Variants in XRCC5 observed in about 807,000 individuals in gnomAD.
XRCC5 encodes X-ray repair cross complementing 5.
Under a neutral mutation model 95.7 loss-of-function variants are expected in XRCC5, and 12 were observed. The observed-to-expected ratio is 0.13, with a 90% CI of 0.08 to 0.20. XRCC5 has a LOEUF of 0.20. XRCC5 is among the 10% of genes least tolerant of loss of function. The pLI is 1.00. For synonymous variants in XRCC5, 281 were observed against 290.3 expected (o/e 0.97, Z 0.33); for missense variants, 595 against 873.9 (o/e 0.68, Z 4.02).
At chr2:216,204,196 G>T in intron 19 of XRCC5, 126 bp from the exon 20 acceptor site, 4 of 1,064,150 alleles carry the variant, frequency 3.8e-6, no homozygotes, top group Non-Finnish European at 4.3e-6. Context: ...TTTCTTTTGG[G>T]CCGTTGGCAG....
At chr2:216,152,420 AAC>A (rs1291343099) in intron 14 of XRCC5, among the ~76,000 whole-genome samples, 2 of 151,606 alleles carry the variant, frequency 1.3e-5, no homozygotes. Context: ...CAGCCTAGGC[AAC>A]AGAGTGAGAC....
In XRCC5 at chr2:216,192,721, A is replaced by G. The variant is rs1689638818; in HGVS notation, c.2027A>G (p.Glu676Gly). ...VEIKQLNHFW[E>G]IVVQDGITLI... ...ATTAAACAATTAAATCATTTCTGGG[A>G]AATTGTTGTCCAGGGTAAGTTGTCA... Residue 676 changes from glutamate to glycine, a missense_variant, in exon 18 of 21, where the codon GAA (glutamate) becomes GGA (glycine). Glu to Gly is a moderately conservative substitution (Grantham distance 98, BLOSUM62 -2). Coordinates refer to ENST00000392132, the MANE Select transcript of XRCC5 (RefSeq NM_021141.4). The G allele has an allele frequency of 6.3e-7, 1 of 1,591,860 alleles. No homozygotes were observed. Among genetic ancestry groups the G allele is most frequent in the Admixed American group, 1.7e-5 (1 of 57,788 alleles).
intron 14 of XRCC5, among the ~76,000 whole-genome samples, chr2:216,152,109 C>A (rs1161288085): frequency 6.6e-6 from 1 of 152,202 alleles, no homozygotes; most frequent in Admixed American, 6.5e-5. Flanking sequence ...TTCCCACCCG[C>A]TCTCTCCCTA....
At chr2:216,138,208 T>C (rs773826842) in intron 12 of XRCC5, 29 bp downstream of exon 12, 3 of 1,577,556 alleles carry the variant, frequency 1.9e-6, no homozygotes, top group East Asian at 2.2e-5. Context: ...AGATCACTCA[T>C]TGACTACACA....
chr2:216,121,103 C>G (rs1208842815), intron 5 of XRCC5, among the ~76,000 whole-genome samples: 2 of 152,134 alleles, frequency 1.3e-5, no homozygotes, highest in African/African-American at 4.8e-5. Context: ...ATAGACAGAA[C>G]AGTTATTATT....
intron 16 of XRCC5, among the ~76,000 whole-genome samples, chr2:216,163,308 C>A (rs1688988324): frequency 4.0e-5 from 6 of 151,752 alleles, no homozygotes; most frequent in Admixed American, 3.9e-4. Flanking sequence ...CCAAAAATTA[C>A]TTTTTTTCTT....
chr2:216,144,832 G>A (rs1688592656), intron 13 of XRCC5, among the ~76,000 whole-genome samples: 1 of 152,322 alleles, frequency 6.6e-6, no homozygotes, highest in Admixed American at 6.5e-5. Flanking sequence ...CACTGGGTGA[G>A]TAGGAGAGAG....
chr2:216,159,102 T>C (rs1346336680), intron 14 of XRCC5, among the ~76,000 whole-genome samples: 1 of 152,218 alleles, frequency 6.6e-6, no homozygotes, highest in Non-Finnish European at 1.5e-5. Context: ...TTAAAACATT[T>C]TGTACATGAT....
chr2:216,126,392 A>C (rs566203011), intron 7 of XRCC5, among the ~76,000 whole-genome samples: 13 of 152,322 alleles, frequency 8.5e-5, no homozygotes, highest in South Asian at 4.1e-4. Context: ...CACCAAAGTT[A>C]AGTTCAGTTT....
intron 7 of XRCC5, among the ~76,000 whole-genome samples, chr2:216,127,327 G>A (rs1435874096): frequency 6.6e-6 from 1 of 152,130 alleles, no homozygotes; most frequent in Non-Finnish European, 1.5e-5. Context: ...GATTACTTTT[G>A]GGAGAAAATG....
At chr2:216,144,950 C>T (rs564133423) in intron 13 of XRCC5, among the ~76,000 whole-genome samples, 1 of 152,180 alleles carries the variant, frequency 6.6e-6, no homozygotes, top group South Asian at 2.1e-4. Context: ...TAAAAATCAG[C>T]GAGGTAGAAA....
intron 1 of XRCC5, among the ~76,000 whole-genome samples, chr2:216,112,077 G>A (rs946429267): frequency 3.9e-5 from 6 of 152,242 alleles, no homozygotes; most frequent in African/African-American, 1.4e-4. Flanking sequence ...CACTGAAATT[G>A]TGAGTTGCCA....
At chr2:216,187,099 CATGGA>C (rs1689507327) in intron 16 of XRCC5, among the ~76,000 whole-genome samples, 1 of 152,122 alleles carries the variant, frequency 6.6e-6, no homozygotes, top group South Asian at 2.1e-4. Context: ...AATTTAGAAT[CATGGA>C]CCAGATTTAC....
chr2:216,136,273 T>G (rs552113178), intron 10 of XRCC5, among the ~76,000 whole-genome samples: 2 of 151,744 alleles, frequency 1.3e-5, no homozygotes, highest in Non-Finnish European at 2.9e-5. Flanking sequence ...GGAAGATCGC[T>G]TGAACCTGGG....
intron 16 of XRCC5, among the ~76,000 whole-genome samples, chr2:216,170,228 A>G (rs1190981357): frequency 1.3e-5 from 2 of 152,096 alleles, no homozygotes; most frequent in African/African-American, 4.8e-5. Flanking sequence ...AGAGCTTTTT[A>G]AAAAGTCCTT....
chr2:216,160,973 C>T (rs2106027188), intron 15 of XRCC5, among the ~76,000 whole-genome samples: 1 of 152,262 alleles, frequency 6.6e-6, no homozygotes, highest in South Asian at 2.1e-4. Flanking sequence ...GGATTATAGT[C>T]ATGAGTCACT....
intron 17 of XRCC5, 145 bp from the exon 18 acceptor site, chr2:216,192,494 C>A: frequency 2.1e-6 from 1 of 476,308 alleles, no homozygotes; most frequent in Non-Finnish European, 3.7e-6. Flanking sequence ...GTTTGGAATG[C>A]CAGCTTCCCA....
At chr2:216,186,082 A>C (rs974958834) in intron 16 of XRCC5, among the ~76,000 whole-genome samples, 8 of 152,242 alleles carry the variant, frequency 5.3e-5, no homozygotes, top group African/African-American at 1.9e-4. Context: ...AAATCATTTG[A>C]GGTGTCTTCA....
chr2:216,124,482 T>A (rs184224095), intron 6 of XRCC5, among the ~76,000 whole-genome samples: 1 of 152,250 alleles, frequency 6.6e-6, no homozygotes, highest in Non-Finnish European at 1.5e-5. Context: ...CTCATGGTGA[T>A]TTTAGGCCAT....
Sources: allele counts gnomAD v4.1 joint callset (sites outside exome capture counted in the v4.1 genomes callset), GRCh38; gene constraint gnomAD v4.1.1; transcripts MANE v1.5; gene names NCBI Gene and HGNC (gene_info 2026-07-23, HGNC 2026-07-21).